Variants in SPINK2 observed in about 807,000 individuals in gnomAD.
SPINK2 encodes serine peptidase inhibitor Kazal type 2.
In SPINK2, 8 loss-of-function variants were observed where a neutral mutation model predicts 13.5. The observed-to-expected ratio is 0.59, with a 90% CI of 0.35 to 1.07. The LOEUF is 1.07. SPINK2 is among the 50% of genes least tolerant of loss of function. The probability of loss-of-function intolerance (pLI) is 0.02; values close to 1 mark genes in which losing one functional copy is unlikely to be tolerated. For synonymous variants in SPINK2, 76 were observed against 74.7 expected (o/e 1.02, Z -0.09); for missense variants, 148 against 180.3 (o/e 0.82, Z 1.03).
chr4:56,813,351 T>C (rs1435216973), intron 2 of SPINK2, among the ~76,000 whole-genome samples: 1 of 152,126 alleles, frequency 6.6e-6, no homozygotes, highest in Non-Finnish European at 1.5e-5. Context: ...ATAATTCTTA[T>C]AGAAGGATAT....
At chr4:56,820,612 T>C (rs1717855012) in intron 1 of SPINK2, 33 bp from the exon 2 acceptor site, 2 of 1,553,788 alleles carry the variant, frequency 1.3e-6, no homozygotes, top group Non-Finnish European at 1.8e-6. Flanking sequence ...TTTTACAGTA[T>C]AGGATCAAGG....
At chr4:56,815,724 GA>G (rs1717382603) in intron 2 of SPINK2, among the ~76,000 whole-genome samples, 1 of 149,078 alleles carries the variant, frequency 6.7e-6, no homozygotes, top group Admixed American at 6.7e-5. Context: ...AAACAACAAA[GA>G]TGACACAATC....
At chr4:56,819,614 C>CT (rs140670436) in intron 2 of SPINK2, among the ~76,000 whole-genome samples, 28 of 96,086 alleles carry the variant, frequency 2.9e-4, no homozygotes, top group African/African-American at 9.0e-4. Context: ...ACTTTTTTTT[C>CT]TTTCTTTTTT....
chr4:56,821,123 A>G (rs1163914344), intron 1 of SPINK2, among the ~76,000 whole-genome samples: 1 of 152,236 alleles, frequency 6.6e-6, no homozygotes, highest in Non-Finnish European at 1.5e-5. Flanking sequence ...ATAGTTCATG[A>G]TGTTATTTTC....
intron 2 of SPINK2, 136 bp from the exon 3 acceptor site, chr4:56,811,930 A>C (rs1717011956): frequency 6.6e-6 from 2 of 304,758 alleles, no homozygotes; most frequent in Admixed American, 5.6e-5. Context: ...TTCCAGAAAA[A>C]TTTTTTCTTT....
intron 2 of SPINK2, among the ~76,000 whole-genome samples, chr4:56,815,982 A>G (rs1717415971): frequency 6.6e-6 from 1 of 152,040 alleles, no homozygotes; most frequent in Admixed American, 6.6e-5. Flanking sequence ...CTGTGTGTGT[A>G]GTCCTAGCTT....
chr4:56,821,431 C>CA (rs1560419104), intron 1 of SPINK2, 27 bp downstream of exon 1: 2 of 1,490,634 alleles, frequency 1.3e-6, no homozygotes, highest in South Asian at 1.3e-5. Context: ...AAGCCACCCC[C>CA]ACAACCCCCA....
intron 2 of SPINK2, among the ~76,000 whole-genome samples, chr4:56,813,576 G>A (rs1425859637): frequency 2.0e-5 from 3 of 151,814 alleles, no homozygotes; most frequent in African/African-American, 4.8e-5. Context: ...ACCCTATTGT[G>A]ACATGGGCAT....
chr4:56,820,644 T>G (rs1717858580), intron 1 of SPINK2, 65 bp from the exon 2 acceptor site: 4 of 1,386,794 alleles, frequency 2.9e-6, no homozygotes, highest in Admixed American at 1.9e-5. Context: ...TCATGAAGTT[T>G]TTTTTTTTTT....
intron 2 of SPINK2, among the ~76,000 whole-genome samples, chr4:56,816,900 TA>T (rs1462687894): frequency 1.4e-5 from 2 of 147,810 alleles, no homozygotes; most frequent in African/African-American, 5.0e-5. Flanking sequence ...TAAAATAAAA[TA>T]AAAAAATAAA....
chr4:56,821,815 C>T (rs1578442970), upstream of SPINK2: 7 of 650,018 alleles, frequency 1.1e-5, no homozygotes, highest in African/African-American at 5.4e-5. Flanking sequence ...AGAGGGGCGG[C>T]GGGAAGAGGA....
chr4:56,820,560 A>G lies in SPINK2; in HGVS notation c.225T>C (p.Phe75=). Residue 75 remains phenylalanine (F), a synonymous_variant, in exon 2 of 4, where the codon TTT becomes TTC. Coordinates refer to ENST00000506738, the MANE Select transcript of SPINK2 (RefSeq NM_001271718.2). The stretch of plus-strand genomic sequence containing the variant: ...CCGTTCTATATTTTGAAAACAGACC[A>G]AATTGAGGGATCAGAGAGGCTGTAA... The part of the protein sequence containing the change: ...EDLPASLIPQ[F]GLFSKYRTPN... 1 of 1,610,768 alleles carries G rather than the reference A, an allele frequency of 6.2e-7. No individual in the cohort carries two copies. The highest frequency in any genetic ancestry group is 8.5e-7 in the Non-Finnish European group (1 of 1,177,498).
chr4:56,815,513 A>G (rs1359977287), intron 2 of SPINK2, among the ~76,000 whole-genome samples: 1 of 152,086 alleles, frequency 6.6e-6, no homozygotes, highest in East Asian at 1.9e-4. Context: ...CAGCCTGGCC[A>G]ACATGGTGAA....
At chr4:56,819,598 G>A (rs992526362) in intron 2 of SPINK2, among the ~76,000 whole-genome samples, 6 of 147,666 alleles carry the variant, frequency 4.1e-5, no homozygotes, top group Middle Eastern at 3.4e-3. Context: ...GCCCAAAATG[G>A]CTAGGACTTT....
chr4:56,810,055 G>A lies in SPINK2; in HGVS notation c.*84C>T, dbSNP rs1348883032. On this transcript the variant is annotated 3_prime_UTR_variant, in exon 4 of 4. Transcript: ENST00000506738. ...AACAAATCTCATGTAAAGAAACACA[G>A]GAAAAGAGAAAAAGGGGAAATGCAA... 39 of 1,539,850 alleles carry A rather than the reference G, an allele frequency of 2.5e-5. No individual in the cohort carries two copies. Among genetic ancestry groups the A allele is most frequent in the Non-Finnish European group, 3.3e-5 (38 of 1,144,794 alleles).
At chr4:56,812,531 C>T (rs1337926768) in intron 2 of SPINK2, among the ~76,000 whole-genome samples, 2 of 137,120 alleles carry the variant, frequency 1.5e-5, no homozygotes, top group African/African-American at 5.5e-5. Context: ...CTCCAACCCT[C>T]CAACCTGGGC....
chr4:56,820,979 A>G (rs1167706226), intron 1 of SPINK2, among the ~76,000 whole-genome samples: 4 of 152,250 alleles, frequency 2.6e-5, no homozygotes, highest in Non-Finnish European at 5.9e-5. Flanking sequence ...CTTTGAAGCT[A>G]TGGAATAAAA....
chr4:56,813,502 G>A (rs985264432), intron 2 of SPINK2, among the ~76,000 whole-genome samples: 6 of 152,034 alleles, frequency 3.9e-5, no homozygotes, highest in Admixed American at 3.3e-4. Flanking sequence ...GCCAGTGAGC[G>A]TTATCAACTG....
chr4:56,821,211 A>T, intron 1 of SPINK2: 1 of 647,604 alleles, frequency 1.5e-6, no homozygotes, highest in Non-Finnish European at 1.9e-6. Context: ...AGAGGTGTCC[A>T]GTGTGGTTGG....
Sources: allele counts gnomAD v4.1 joint callset (sites outside exome capture counted in the v4.1 genomes callset), GRCh38; gene constraint gnomAD v4.1.1; transcripts MANE v1.5; gene names NCBI Gene and HGNC (gene_info 2026-07-23, HGNC 2026-07-21).